Variants in NUDCD3 observed in about 807,000 individuals in gnomAD.
The protein encoded by NUDCD3 is NudC domain containing 3.
In NUDCD3, 13 loss-of-function variants were observed where a neutral mutation model predicts 39.7. The observed-to-expected ratio is 0.33, with a 90% CI of 0.21 to 0.52. The LOEUF is 0.52. Among genes scored for constraint, NUDCD3 ranks in the 20% least tolerant of loss-of-function variants. The pLI is 0.96. For synonymous variants in NUDCD3, 175 were observed against 172.4 expected (o/e 1.02, Z -0.12); for missense variants, 453 against 458.1 (o/e 0.99, Z 0.10).
At chr7:44,409,487 C>T (rs921641531) in intron 3 of NUDCD3, among the ~76,000 whole-genome samples, 1 of 151,892 alleles carries the variant, frequency 6.6e-6, no homozygotes, top group African/African-American at 2.4e-5. Context: ...GTACCAATAG[C>T]AACCATGGGA....
chr7:44,444,012 C>G (rs1799643628), intron 2 of NUDCD3, among the ~76,000 whole-genome samples: 1 of 152,220 alleles, frequency 6.6e-6, no homozygotes, highest in African/African-American at 2.4e-5. Flanking sequence ...GTGTGTTCAT[C>G]TAAGACTAAT....
intron 2 of NUDCD3, among the ~76,000 whole-genome samples, chr7:44,479,086 G>A (rs552163978): frequency 3.5e-4 from 53 of 152,236 alleles, no homozygotes; most frequent in South Asian, 1.0e-3. Flanking sequence ...TTATAAAACC[G>A]TCTATGAGAA....
chr7:44,478,023 A>G (rs1485890821), intron 2 of NUDCD3, among the ~76,000 whole-genome samples: 1 of 151,882 alleles, frequency 6.6e-6, no homozygotes, highest in Admixed American at 6.6e-5. Context: ...TTATAGAGAC[A>G]GAGTTTCACC....
chr7:44,423,539 G>T (rs187117591), intron 3 of NUDCD3, among the ~76,000 whole-genome samples: 1 of 151,932 alleles, frequency 6.6e-6, no homozygotes, highest in South Asian at 2.1e-4. Flanking sequence ...ACTCCCATCC[G>T]CAATTGCTAC....
chr7:44,486,050 A>C (rs995494681), intron 1 of NUDCD3, among the ~76,000 whole-genome samples: 3 of 152,244 alleles, frequency 2.0e-5, no homozygotes, highest in Non-Finnish European at 4.4e-5. Flanking sequence ...AAATCTAGGG[A>C]GACTTCTTGG....
intron 2 of NUDCD3, among the ~76,000 whole-genome samples, chr7:44,457,397 T>C (rs535174956): frequency 6.6e-6 from 1 of 152,316 alleles, no homozygotes; most frequent in East Asian, 1.9e-4. Context: ...AATGAAAAGA[T>C]CTTGTATATA....
In NUDCD3 at chr7:44,392,406, T is replaced by A; in HGVS notation, c.866A>T (p.Asn289Ile). 1.9e-6 allele frequency: 3 copies of A among 1,614,134 alleles called. No individual in the cohort carries two copies. The highest frequency in any genetic ancestry group is 2.5e-6 in the Non-Finnish European group (3 of 1,179,984). ...CACGGTGGCCATGGAGCGCTCCTTG[T>A]TGATCTTGTCAATGTCGATGGGCTC... ...GEEPIDIDKI[N>I]KERSMATVDE... The change falls in exon 5 of 6, where the codon AAC becomes ATC. Residue 289 changes from asparagine (N) to isoleucine (I), a missense_variant. Transcript: ENST00000355451.
At chr7:44,454,033 G>C (rs1297096824) in intron 2 of NUDCD3, among the ~76,000 whole-genome samples, 3 of 151,380 alleles carry the variant, frequency 2.0e-5, no homozygotes, top group Non-Finnish European at 2.9e-5. Context: ...ACAGAGCAAG[G>C]CCTTGTTTCA....
intron 2 of NUDCD3, among the ~76,000 whole-genome samples, chr7:44,473,453 G>A (rs1384611290): frequency 1.3e-5 from 2 of 152,136 alleles, no homozygotes; most frequent in Admixed American, 1.3e-4. Context: ...AAACCTATGT[G>A]TACACTAAGG....
At chr7:44,475,073 G>C (rs1404025145) in intron 2 of NUDCD3, among the ~76,000 whole-genome samples, 1 of 151,958 alleles carries the variant, frequency 6.6e-6, no homozygotes, top group Non-Finnish European at 1.5e-5. Context: ...AGCCACTTCA[G>C]GTAGACAACA....
rs56034164 is a variant in NUDCD3 at position 44,380,548 on chromosome 7, G to C, written c.*5463C>G. 21,947 of 152,146 alleles carry C rather than the reference G, an allele frequency of 0.14. 1,785 individuals are homozygous for C. Among genetic ancestry groups the C allele is most frequent in the Non-Finnish European group, 0.18 (12,321 of 68,036 alleles). 9.4% of individuals were successfully genotyped at this position (152,146 alleles called of 1,614,324 possible). ...TTCCCAGCCTTTGATGACCCCAAAC[G>C]CTGTCTCTTCCCTAAGGGTCACTGC... On this transcript the variant is annotated 3_prime_UTR_variant, in exon 6 of 6. Transcript: ENST00000355451.
intron 2 of NUDCD3, among the ~76,000 whole-genome samples, chr7:44,430,784 G>A (rs997140937): frequency 4.6e-5 from 7 of 152,196 alleles, no homozygotes; most frequent in Non-Finnish European, 7.3e-5. Context: ...CACCAGTGAT[G>A]CCCACATGGG....
intron 2 of NUDCD3, among the ~76,000 whole-genome samples, chr7:44,444,739 G>A (rs2116926866): frequency 6.6e-6 from 1 of 152,212 alleles, no homozygotes; most frequent in Non-Finnish European, 1.5e-5. Context: ...TGGTCTCTTG[G>A]ATCCCCAAGC....
At chr7:44,466,478 G>A (rs777358119) in intron 2 of NUDCD3, among the ~76,000 whole-genome samples, 1 of 152,138 alleles carries the variant, frequency 6.6e-6, no homozygotes, top group Non-Finnish European at 1.5e-5. Context: ...GGCCCCAAAG[G>A]CCTCAGGAAG....
At chr7:44,437,516 G>T (rs1799490881) in intron 2 of NUDCD3, among the ~76,000 whole-genome samples, 1 of 151,938 alleles carries the variant, frequency 6.6e-6, no homozygotes, top group Non-Finnish European at 1.5e-5. Flanking sequence ...TTAAAGTCCA[G>T]CTGAGGAACA....
chr7:44,428,682 C>A (rs990061784), intron 2 of NUDCD3, among the ~76,000 whole-genome samples: 11 of 152,056 alleles, frequency 7.2e-5, no homozygotes, highest in Non-Finnish European at 1.0e-4. Context: ...GATAGGCCTA[C>A]CAAGAAGAAG....
intron 4 of NUDCD3, among the ~76,000 whole-genome samples, chr7:44,394,913 G>C (rs1187302157): frequency 1.3e-5 from 2 of 152,216 alleles, no homozygotes; most frequent in Admixed American, 6.5e-5. Context: ...CCTGGGCACA[G>C]TGGGAGATGG....
chr7:44,447,998 G>A (rs1332259911), intron 2 of NUDCD3, among the ~76,000 whole-genome samples: 1 of 152,094 alleles, frequency 6.6e-6, no homozygotes, highest in Non-Finnish European at 1.5e-5. Flanking sequence ...CCAAATTCTG[G>A]CCTCACCCCA....
Position 44,489,390 on chromosome 7 carries a change from G to T in NUDCD3, c.192+1019C>A, listed in dbSNP as rs2237437. On this transcript the variant is annotated intron_variant, in intron 1 of 5. Transcript: ENST00000355451. ...GCCCTATTACCCTGGTAGCTACCAAGACATTCAAAGCTTTGGCTTCTGCTG... is the reference window on the plus strand; with the variant it reads ...GCCCTATTACCCTGGTAGCTACCAATACATTCAAAGCTTTGGCTTCTGCTG... Among the ~76,000 whole-genome samples the T allele has an allele frequency of 1.4e-3, 217 of 152,330 alleles. 6 individuals carry two copies. In the East Asian group the frequency reaches 0.04, roughly 28 times the overall value.
Sources: allele counts gnomAD v4.1 joint callset (sites outside exome capture counted in the v4.1 genomes callset), GRCh38; gene constraint gnomAD v4.1.1; transcripts MANE v1.5; gene names NCBI Gene and HGNC (gene_info 2026-07-23, HGNC 2026-07-21).